The following ANO3 variants were observed in gnomAD, a reference collection of about 807,000 sequenced individuals.
ANO3 encodes anoctamin-3.
ANO3 carries 99 observed loss-of-function variants against 144.8 expected under a neutral mutation model. That is an observed-to-expected ratio of 0.68 (90% CI 0.58 to 0.81). The LOEUF (loss-of-function observed/expected upper bound fraction) is 0.81, where lower values mean the gene tolerates loss of function less well. Among genes scored for constraint, ANO3 ranks in the 30% least tolerant of loss-of-function variants. ANO3 has a pLI of 0.00. For missense variants in ANO3, 905 were observed against 1,202.2 expected, an observed-to-expected ratio of 0.75 and a Z score of 3.66; for synonymous variants, 414 against 392.6, an observed-to-expected ratio of 1.05 and a Z score of -0.64.
At chr11:26,465,324 A>G (rs1859565893) in intron 4 of ANO3, among the ~76,000 whole-genome samples, 1 of 146,092 alleles carries the variant, frequency 6.8e-6, no homozygotes, top group Non-Finnish European at 1.5e-5. Context: ...AGATAGTTAA[A>G]TTATATGGCT....
chr11:26,634,129 G>C, intron 18 of ANO3, 75 bp from the exon 19 acceptor site: 2 of 767,760 alleles, frequency 2.6e-6, no homozygotes, highest in Non-Finnish European at 4.2e-6. Flanking sequence ...TGAACTTGGG[G>C]TTTCTGCCTC....
chr11:26,307,764 T>C (rs1854417663), upstream of ANO3, among the ~76,000 whole-genome samples: 1 of 122,612 alleles, frequency 8.2e-6, no homozygotes, highest in African/African-American at 2.7e-5. Context: ...TAATAACAAT[T>C]TAATGAAAAA....
intron 1 of ANO3, among the ~76,000 whole-genome samples, chr11:26,272,692 A>G (rs1033111463): frequency 1.3e-5 from 2 of 152,194 alleles, no homozygotes; most frequent in Non-Finnish European, 2.9e-5. Context: ...AGGATCCCAG[A>G]TGCCATTAAG....
intron 1 of ANO3, among the ~76,000 whole-genome samples, chr11:26,297,646 T>C (rs970536950): frequency 1.3e-5 from 2 of 152,230 alleles, no homozygotes; most frequent in African/African-American, 4.8e-5. Flanking sequence ...TCAACTTGTA[T>C]AGTTTGTAAA....
At chr11:26,221,344 T>G (rs537058150) in intron 1 of ANO3, among the ~76,000 whole-genome samples, 1 of 152,300 alleles carries the variant, frequency 6.6e-6, no homozygotes, top group Admixed American at 6.5e-5. Context: ...GGAAGTCTCG[T>G]ATAAATTACC....
At chr11:26,354,642 A>G (rs1855730717) in intron 1 of ANO3, among the ~76,000 whole-genome samples, 1 of 152,112 alleles carries the variant, frequency 6.6e-6, no homozygotes, top group Non-Finnish European at 1.5e-5. Flanking sequence ...TCTAAATTGT[A>G]TACTTATGTT....
At chr11:26,266,165 A>G (rs745582331) in intron 1 of ANO3, among the ~76,000 whole-genome samples, 3 of 152,092 alleles carry the variant, frequency 2.0e-5, no homozygotes, top group Non-Finnish European at 4.4e-5. Context: ...TTTTTCATCT[A>G]CCTCTGCAAA....
intron 1 of ANO3, among the ~76,000 whole-genome samples, chr11:26,427,860 G>A (rs1443448091): frequency 6.6e-6 from 1 of 152,150 alleles, no homozygotes; most frequent in Non-Finnish European, 1.5e-5. Flanking sequence ...GCGGCAGCAA[G>A]AAGAAATGCA....
At chr11:26,387,352 T>G (rs1014706809) in intron 1 of ANO3, among the ~76,000 whole-genome samples, 1 of 152,050 alleles carries the variant, frequency 6.6e-6, no homozygotes, top group Non-Finnish European at 1.5e-5. Context: ...TTTATGTCAT[T>G]TATTGTGTCA....
intron 9 of ANO3, among the ~76,000 whole-genome samples, chr11:26,536,915 G>A (rs1849523951): frequency 6.6e-6 from 1 of 152,036 alleles, no homozygotes; most frequent in African/African-American, 2.4e-5. Context: ...TGAGAGGGAG[G>A]AGATTTTAAT....
intron 1 of ANO3, among the ~76,000 whole-genome samples, chr11:26,300,450 G>A (rs1291348172): frequency 6.6e-6 from 1 of 152,150 alleles, no homozygotes; most frequent in Non-Finnish European, 1.5e-5. Flanking sequence ...AATGACAAAG[G>A]AGGCTGAAAA....
In ANO3 at chr11:26,414,663, C is replaced by T. The variant is rs540435778; in HGVS notation, c.47-27255C>T. Among the ~76,000 whole-genome samples the T allele has an allele frequency of 8.7e-5, 13 of 149,194 alleles. No homozygotes were observed. The South Asian group carries it at 1.7e-3, about 19-fold the overall frequency. On this transcript the variant is annotated intron_variant, in intron 1 of 26. Coordinates refer to ENST00000256737, the MANE Select transcript of ANO3 (RefSeq NM_031418.4). ...CTTGCAGGGCTTAAATCCTAGATGA[C>T]GGGTTGATAGGTGCAGCCAGCCACC... is the stretch of plus-strand genomic sequence containing the variant.
chr11:26,374,711 G>A (rs1856357348), intron 1 of ANO3, among the ~76,000 whole-genome samples: 1 of 152,120 alleles, frequency 6.6e-6, no homozygotes, highest in Non-Finnish European at 1.5e-5. Flanking sequence ...GTTTCAGGAT[G>A]ATTCAAGTGC....
intron 20 of ANO3, among the ~76,000 whole-genome samples, chr11:26,637,263 T>C (rs1343663311): frequency 6.6e-6 from 1 of 152,190 alleles, no homozygotes; most frequent in Non-Finnish European, 1.5e-5. Context: ...CTTTGGCCTA[T>C]CCTTTGTGGG....
At position 26,655,885 on chromosome 11, in the gene ANO3, A is replaced by G. The variant is rs116010135; in HGVS notation, c.2577-240A>G. Among the ~76,000 whole-genome samples, 1,766 of 152,292 alleles carry G rather than the reference A, an allele frequency of 0.012. 38 individuals carry two copies. Among genetic ancestry groups the G allele is most frequent in the African/African-American group, 0.041 (1,702 of 41,570 alleles). Reference sequence around the variant, plus strand: ...CTAGTGTGTAGTAACTACTTAATAAACATAAACCAGATGAAAAGGCAAGAT... The same window carrying G: ...CTAGTGTGTAGTAACTACTTAATAAGCATAAACCAGATGAAAAGGCAAGAT... On this transcript the variant is annotated intron_variant, in intron 24 of 26. Coordinates refer to ENST00000256737, the MANE Select transcript of ANO3 (RefSeq NM_031418.4).
At chr11:26,189,976 G>A (rs1257766321) in intron 1 of ANO3, among the ~76,000 whole-genome samples, 1 of 152,136 alleles carries the variant, frequency 6.6e-6, no homozygotes, top group Non-Finnish European at 1.5e-5. Flanking sequence ...AAAAAATTCT[G>A]AGGGTCTGAT....
intron 1 of ANO3, among the ~76,000 whole-genome samples, chr11:26,344,814 A>G (rs1019552055): frequency 3.9e-5 from 6 of 152,202 alleles, no homozygotes; most frequent in African/African-American, 1.4e-4. Flanking sequence ...AATTAGTCAT[A>G]GCTCTTACCA....
rs1281781575 is a variant in ANO3, at chr11:26,663,041, A to G, written c.*2597A>G. ...ATATGTGCATGCAGTCTGCCTTGAC[A>G]AGTTGTTCCAAGCTGAAGAGCTTTC... On this transcript the variant is annotated 3_prime_UTR_variant, in exon 27 of 27. Transcript: ENST00000256737. 6.6e-6 allele frequency: 1 copy of G among 152,462 alleles called. No individual in the cohort carries two copies. Among genetic ancestry groups the G allele is most frequent in the African/African-American group, 2.4e-5 (1 of 41,440 alleles). The allele number at this position is 152,462 out of a possible 1,614,324, so 9.4% of individuals were successfully genotyped here.
rs533048642 is a variant in ANO3, at chr11:26,236,600, C to G, written c.154+47270C>G. Reference sequence around the variant, plus strand: ...TTGGGAGGCCAAGGTGGGCGGATCACGAGGTCAGGAGACCAAGACCATCCT... The same window carrying G: ...TTGGGAGGCCAAGGTGGGCGGATCAGGAGGTCAGGAGACCAAGACCATCCT... On this transcript the variant is annotated intron_variant, in intron 1 of 27. Transcript: ENST00000672621. Among the ~76,000 whole-genome samples, 194 of 152,164 alleles carry G rather than the reference C, an allele frequency of 1.3e-3. 1 individual carries two copies. Among genetic ancestry groups the G allele is most frequent in the Non-Finnish European group, 1.9e-3 (132 of 67,988 alleles).
Sources: gnomAD v4.1 joint callset for allele counts (sites outside exome capture counted in the v4.1 genomes callset) on GRCh38, gnomAD v4.1.1 for gene constraint, MANE v1.5 for transcripts, NCBI Gene and HGNC (gene_info 2026-07-23, HGNC 2026-07-21) for gene names.